The following ACBD5 variants were observed in gnomAD, a reference collection of about 807,000 sequenced individuals.
ACBD5 encodes the protein acyl-CoA-binding domain-containing protein 5.
Under a neutral mutation model 71.8 loss-of-function variants are expected in ACBD5, and 40 were observed. That is an observed-to-expected ratio of 0.56 (90% confidence interval 0.43 to 0.72). The LOEUF (loss-of-function observed/expected upper bound fraction) is 0.72, where lower values mean the gene tolerates loss of function less well. Among genes scored for constraint, ACBD5 ranks in the 30% least tolerant of loss-of-function variants. The pLI, the probability that ACBD5 is intolerant of heterozygous loss-of-function variation, is 0.00. For missense variants in ACBD5, 559 were observed against 644.5 expected (o/e 0.87, Z 1.44); for synonymous variants, 229 against 218.6 (o/e 1.05, Z -0.42).
upstream of ACBD5, chr10:27,242,003 ATC>A (rs764336576): frequency 1.3e-5 from 6 of 453,298 alleles, no homozygotes; most frequent in East Asian, 3.5e-4. Flanking sequence ...ACTAGGAAAA[ATC>A]TAGGCGCAGA....
chr10:27,205,521 G>A (rs2060394108), intron 10 of ACBD5, among the ~76,000 whole-genome samples: 1 of 152,028 alleles, frequency 6.6e-6, no homozygotes, highest in Non-Finnish European at 1.5e-5. Flanking sequence ...TATATTTTTA[G>A]TTCAAATTAT....
At position 27,196,849 on chromosome 10, in the gene ACBD5, C is replaced by T; in HGVS notation, c.*581G>A. 1 of 454,038 alleles carries T rather than the reference C, an allele frequency of 2.2e-6. No individual in the cohort carries two copies. The highest frequency in any genetic ancestry group is 4.4e-6 in the Non-Finnish European group (1 of 226,784). The allele number at this position is 454,038 out of a possible 1,614,324, so 28.1% of individuals were successfully genotyped here. ...CCACTTTTTAATAATGATGCCTGAA[C>T]ACCAAACTCAAGAGTTGTGAATGCC... On this transcript the variant is annotated 3_prime_UTR_variant, in exon 13 of 13. Transcript: ENST00000396271.
At chr10:27,213,271 T>G (rs1589132242) in intron 8 of ACBD5, among the ~76,000 whole-genome samples, 1 of 152,344 alleles carries the variant, frequency 6.6e-6, no homozygotes. Context: ...TCAACATCAC[T>G]GATCATCAGC....
chr10:27,212,572 T>C (rs1476233837), intron 8 of ACBD5, among the ~76,000 whole-genome samples: 1 of 149,332 alleles, frequency 6.7e-6, no homozygotes, highest in Non-Finnish European at 1.5e-5. Flanking sequence ...TCTTCCAATT[T>C]ATGCTGCTTT....
chr10:27,226,435 CAT>C (rs1157262569), intron 4 of ACBD5, among the ~76,000 whole-genome samples: 6 of 140,518 alleles, frequency 4.3e-5, no homozygotes, highest in African/African-American at 7.9e-5. Flanking sequence ...CATGTACACA[CAT>C]GAGATACAGA....
At chr10:27,227,665 T>C (rs2063257887) in intron 4 of ACBD5, among the ~76,000 whole-genome samples, 1 of 152,296 alleles carries the variant, frequency 6.6e-6, no homozygotes, top group South Asian at 2.1e-4. Flanking sequence ...TGTTGAGCTA[T>C]GGACTAGACC....
upstream of ACBD5, among the ~76,000 whole-genome samples, chr10:27,241,613 A>C (rs767394705): frequency 1.3e-5 from 2 of 152,176 alleles, no homozygotes; most frequent in Non-Finnish European, 2.9e-5. Flanking sequence ...CACGCCTGTA[A>C]TCTCGATACT....
chr10:27,220,385 T>TTATATCAGAACTCCTG (rs770855587), intron 5 of ACBD5: 1 of 152,726 alleles, frequency 6.5e-6, no homozygotes, highest in Non-Finnish European at 1.5e-5. Context: ...AAGCAAATTG[T>TTATATCAGAACTCCTG]CCAAGTGGCC....
chr10:27,239,130 G>T (rs2065138615), intron 2 of ACBD5, among the ~76,000 whole-genome samples: 1 of 152,160 alleles, frequency 6.6e-6, no homozygotes, highest in African/African-American at 2.4e-5. Flanking sequence ...CTGGGAGGTG[G>T]GGGTTGAGGT....
intron 10 of ACBD5, among the ~76,000 whole-genome samples, chr10:27,206,067 T>C (rs1290048693): frequency 6.6e-6 from 1 of 151,812 alleles, no homozygotes; most frequent in Non-Finnish European, 1.5e-5. Flanking sequence ...CTAGCTATTT[T>C]AATTTTATTT....
intron 12 of ACBD5, among the ~76,000 whole-genome samples, chr10:27,200,866 C>G (rs1440938295): frequency 6.6e-6 from 1 of 152,068 alleles, no homozygotes; most frequent in Non-Finnish European, 1.5e-5. Context: ...GATTGGGGCC[C>G]CTTTCTTGTA....
At chr10:27,230,286 T>C (rs1430323137) in intron 4 of ACBD5, among the ~76,000 whole-genome samples, 1 of 151,568 alleles carries the variant, frequency 6.6e-6, no homozygotes, top group African/African-American at 2.4e-5. Context: ...GGCATGACTA[T>C]GAGCAATGTA....
rs10764686 is a variant in ACBD5 at position 27,186,565 on chromosome 10, T to C, written c.1494-3850A>G. On this transcript the variant is annotated intron_variant, in intron 13 of 13. Transcript: ENST00000676511. ...AAAAATTTTCCTTTTAGTCTAGCCT[T>C]GTGTTATAGAATGAACTTGCATAAT... 944,875 of 1,576,432 alleles carry C rather than the reference T, an allele frequency of 0.6. 293,073 individuals carry two copies. Among genetic ancestry groups the C allele is most frequent in the Non-Finnish European group, 0.64 (736,863 of 1,145,588 alleles).
At chr10:27,236,099 G>A (rs2064643336) in intron 2 of ACBD5, among the ~76,000 whole-genome samples, 2 of 117,224 alleles carry the variant, frequency 1.7e-5, no homozygotes, top group African/African-American at 6.7e-5. Flanking sequence ...CGGTGACAGA[G>A]AAAGACCCTG....
intron 4 of ACBD5, among the ~76,000 whole-genome samples, chr10:27,224,477 A>G (rs540874815): frequency 1.3e-5 from 2 of 152,332 alleles, no homozygotes; most frequent in South Asian, 4.1e-4. Context: ...TTCTTTAACA[A>G]TAAGGTAGCG....
rs750904932 is a variant in ACBD5 at position 27,240,324 on chromosome 10, T to C, written c.176A>G (p.Lys59Arg). The change falls in exon 2 of 13, where the codon AAG (lysine) becomes AGG (arginine). Residue 59 changes from lysine to arginine, a missense_variant. Physicochemically the swap from Lys to Arg is conservative, Grantham distance 26. Transcript: ENST00000396271. The surrounding 1 kb of genome is among the most constrained non-coding windows in gnomAD (Gnocchi z 4.1). ...AAVKVIQSLP[K>R]NGSFQPTNEM... is the part of the protein sequence containing the mutation. The stretch of plus-strand genomic sequence containing the variant: ...CCGGGGCCCAGCGCACGTACCATTC[T>C]TCGGCAAACTCTGGATCACCTTCAC... 1.9e-6 allele frequency: 3 copies of C among 1,614,036 alleles called. No homozygotes were observed. The highest frequency in any genetic ancestry group is 1.1e-5 in the South Asian group (1 of 91,076).
chr10:27,205,294 C>T (rs1029513930), intron 10 of ACBD5, 46 bp from the exon 11 acceptor site: 1 of 1,559,458 alleles, frequency 6.4e-7, no homozygotes, highest in Non-Finnish European at 8.8e-7. Context: ...AAATGAAAAA[C>T]ACAGTAATTA....
chr10:27,232,272 G>GCTTT (rs1193395520), intron 3 of ACBD5: 9 of 150,240 alleles, frequency 6.0e-5, no homozygotes, highest in Admixed American at 1.3e-4. Flanking sequence ...TTCCGGTAAA[G>GCTTT]ACCGGAAAGC....
intron 3 of ACBD5, among the ~76,000 whole-genome samples, chr10:27,233,284 A>C (rs1258337098): frequency 6.6e-6 from 1 of 152,098 alleles, no homozygotes; most frequent in Non-Finnish European, 1.5e-5. Flanking sequence ...AAAATTAGCC[A>C]GGCGTGGTGG....
Sources: gnomAD v4.1 joint callset for allele counts (sites outside exome capture counted in the v4.1 genomes callset) on GRCh38, gnomAD v4.1.1 for gene constraint, Gnocchi (gnomAD v3.1) non-coding constraint, MANE v1.5 for transcripts, NCBI Gene and HGNC (gene_info 2026-07-23, HGNC 2026-07-21) for gene names.